Variants in IQSEC3 observed in about 807,000 individuals in gnomAD.
IQSEC3 encodes the protein IQ motif and SEC7 domain-containing protein 3.
IQSEC3 carries 50 observed loss-of-function variants against 105.4 expected under a neutral mutation model. The ratio of observed to expected loss-of-function variants is 0.47; its 90% CI spans 0.38 to 0.60. IQSEC3 has a LOEUF of 0.60. Among genes scored for constraint, IQSEC3 ranks in the 20% least tolerant of loss-of-function variants. The probability of loss-of-function intolerance (pLI) is 0.00; values close to 1 mark genes in which losing one functional copy is unlikely to be tolerated. For missense variants in IQSEC3, 1,415 were observed against 1,630.0 expected, an observed-to-expected ratio of 0.87 and a Z score of 2.27; for synonymous variants, 708 against 746.0, an observed-to-expected ratio of 0.95 and a Z score of 0.83.
chr12:92,114 C>G (rs1319698083), intron 1 of IQSEC3, among the ~76,000 whole-genome samples: 1 of 152,158 alleles, frequency 6.6e-6, no homozygotes, highest in Non-Finnish European at 1.5e-5. Flanking sequence ...GTCCAGCTGC[C>G]CCATCAGAAC....
chr12:104,198 A>G (rs1362905194), intron 2 of IQSEC3, among the ~76,000 whole-genome samples: 2 of 152,146 alleles, frequency 1.3e-5, no homozygotes, highest in Non-Finnish European at 2.9e-5. Context: ...GGAATCCAGG[A>G]TGGAGAGAAG....
chr12:176,957 T>TG lies in IQSEC3; in HGVS notation c.*1928dup, dbSNP rs1259243256. The TG allele has an allele frequency of 6.6e-6, 1 of 152,078 alleles. No individual in the cohort carries two copies. The highest frequency in any genetic ancestry group is 2.4e-5 in the African/African-American group (1 of 41,320). The allele number at this position is 152,078 out of a possible 1,614,324, so 9.4% of individuals were successfully genotyped here. ...AGGGACTTGGGAGGAGGTGGAGCTG[T>TG]GGGGATGGGAGTGGAGGAATCAAAA... On this transcript the variant is annotated 3_prime_UTR_variant, in exon 14 of 14. Coordinates refer to ENST00000538872, the MANE Select transcript of IQSEC3 (RefSeq NM_001170738.2). The surrounding 1 kb of genome is among the most constrained non-coding windows in gnomAD (Gnocchi z 4.0).
chr12:141,273 G>T lies in IQSEC3; in HGVS notation c.2141G>T (p.Arg714Leu). 1.2e-6 allele frequency: 2 copies of T among 1,613,942 alleles called. No homozygotes were observed. Among genetic ancestry groups the T allele is most frequent in the Non-Finnish European group, 1.7e-6 (2 of 1,179,956 alleles). ...FLGNSKKQFN[R>L]DVLDCVVDEM... ...GGCAACAGCAAGAAGCAGTTCAACC[G>T]CGACGTGCTGGAGTGAGTACCCCAC... is the stretch of plus-strand genomic sequence containing the variant. The change falls in exon 5 of 14, where the codon CGC becomes CTC. Residue 714 changes from arginine (R) to leucine (L), a missense_variant. Coordinates refer to ENST00000538872, the MANE Select transcript of IQSEC3 (RefSeq NM_001170738.2).
At chr12:87,083 A>G (rs1555072252) in intron 1 of IQSEC3, among the ~76,000 whole-genome samples, 1 of 152,082 alleles carries the variant, frequency 6.6e-6, no homozygotes, top group Non-Finnish European at 1.5e-5. Context: ...TCAAAACTCA[A>G]AATAACAAAA....
chr12:163,221 G>A (rs1202159472), intron 8 of IQSEC3, among the ~76,000 whole-genome samples: 1 of 45,350 alleles, frequency 2.2e-5, no homozygotes. Context: ...CCCCTCCACA[G>A]AACCGGACCC....
At chr12:86,584 T>C (rs980334231) in intron 1 of IQSEC3, among the ~76,000 whole-genome samples, 4 of 152,102 alleles carry the variant, frequency 2.6e-5, no homozygotes, top group Non-Finnish European at 4.4e-5. Flanking sequence ...AAACTGAGGC[T>C]CAGTCAGGCA....
chr12:67,316 A>G lies in IQSEC3; in HGVS notation c.434A>G (p.Gln145Arg). ...PQSPHKHLGT[Q>R]GAVTDKEKER... Reference sequence around the variant, plus strand: ...TCGCCCCACAAGCATCTGGGGACACAAGGGGCCGTGACTGACAAGGAGAAG... The same window carrying G: ...TCGCCCCACAAGCATCTGGGGACACGAGGGGCCGTGACTGACAAGGAGAAG... The change falls in exon 1 of 14, where the codon CAA (glutamine) becomes CGA (arginine). Residue 145 changes from glutamine to arginine, a missense_variant. This residue lies in a region of IQSEC3 where 26 missense variants were observed against 108.1 expected (regional missense o/e 0.24). Transcript: ENST00000538872. The G allele has an allele frequency of 1.3e-6, 2 of 1,598,446 alleles. No individual in the cohort carries two copies. Among genetic ancestry groups the G allele is most frequent in the Non-Finnish European group, 1.7e-6 (2 of 1,179,580 alleles).
chr12:157,457 C>A (rs958862348), intron 6 of IQSEC3, 71 bp from the exon 7 acceptor site: 23 of 1,423,520 alleles, frequency 1.6e-5, no homozygotes, highest in Admixed American at 4.1e-5. Context: ...CTGGACACCC[C>A]CTTCCTTTGT....
chr12:154,454 C>T (rs1395078283), intron 5 of IQSEC3, among the ~76,000 whole-genome samples: 2 of 152,066 alleles, frequency 1.3e-5, no homozygotes, highest in African/African-American at 4.8e-5. Context: ...TGTGGGAAGC[C>T]GGGTGCCAGG....
chr12:144,611 C>CGGCT (rs1431457902), intron 5 of IQSEC3: 1 of 152,208 alleles, frequency 6.6e-6, no homozygotes, highest in African/African-American at 2.4e-5. Context: ...GCTGCCACCT[C>CGGCT]GGCTGCTGGT....
In IQSEC3 at chr12:163,483, C is replaced by T. The variant is rs1177237688; in HGVS notation, c.2584-11C>T. The T allele has an allele frequency of 1.3e-6, 2 of 1,596,126 alleles. No individual in the cohort carries two copies. The highest frequency in any genetic ancestry group is 1.7e-6 in the Non-Finnish European group (2 of 1,169,770). ...CTGGTCTCTCCCGCTGAGCGCCCTG[C>T]CCGCGTGCAGGTGCTGTCCGTGCCC... On this transcript the variant is annotated splice_polypyrimidine_tract_variant and intron_variant, in intron 8 of 13. Coordinates refer to ENST00000538872, the MANE Select transcript of IQSEC3 (RefSeq NM_001170738.2).
intron 4 of IQSEC3, chr12:140,794 C>G: frequency 3.7e-6 from 1 of 271,220 alleles, no homozygotes; most frequent in South Asian, 1.5e-4. Context: ...GGGGCGTCTG[C>G]GGTGGGGACC....
chr12:161,559 T>TG (rs1177440556), intron 7 of IQSEC3, among the ~76,000 whole-genome samples: 8 of 151,638 alleles, frequency 5.3e-5, no homozygotes, highest in Admixed American at 2.0e-4. Context: ...GGGGTGGAGC[T>TG]GGGGGGTGAG....
At chr12:99,839 C>T (rs1236434751) in intron 2 of IQSEC3, among the ~76,000 whole-genome samples, 9 of 152,134 alleles carry the variant, frequency 5.9e-5, no homozygotes, top group Non-Finnish European at 1.2e-4. Context: ...GTTCCGTCTC[C>T]GTCCCGTGAT....
At chr12:116,220 G>A (rs573191236) in intron 2 of IQSEC3, among the ~76,000 whole-genome samples, 4 of 152,236 alleles carry the variant, frequency 2.6e-5, no homozygotes, top group Admixed American at 6.5e-5. Context: ...AGGCCACAAC[G>A]CAGGTAGCTG....
chr12:168,694 T>TA (rs1172557409), intron 11 of IQSEC3, among the ~76,000 whole-genome samples: 3 of 152,062 alleles, frequency 2.0e-5, no homozygotes, highest in African/African-American at 7.2e-5. Flanking sequence ...GTAACTTGCC[T>TA]AAAACCACAC....
chr12:111,019 G>T (rs1429874913), intron 2 of IQSEC3, among the ~76,000 whole-genome samples: 3 of 152,036 alleles, frequency 2.0e-5, no homozygotes, highest in Non-Finnish European at 4.4e-5. Context: ...CTCTTCCTCC[G>T]ACCTTCTTGC....
rs1190309248 is a variant in IQSEC3, at chr12:111,449, T to C, written c.623+12235T>C. On this transcript the variant is annotated intron_variant, in intron 2 of 13. Coordinates refer to ENST00000538872, the MANE Select transcript of IQSEC3 (RefSeq NM_001170738.2). ...GTCAGAAGGGTTCTCTTTAGTTCCC[T>C]CTTTCCTCTGTTCTCTAGGCCTAGA... 2.6e-5 allele frequency among the ~76,000 whole-genome samples: 4 copies of C among 152,170 alleles called. No homozygotes were observed. In the East Asian group the frequency reaches 7.7e-4, roughly 29 times the overall value.
rs1555094527 is a variant in IQSEC3, at chr12:157,072, C to T, written c.2201C>T (p.Ala734Val). The T allele has an allele frequency of 1.2e-6, 2 of 1,606,974 alleles. No homozygotes were observed. The highest frequency in any genetic ancestry group is 1.7e-5 in the Admixed American group (1 of 59,176). Residue 734 changes from alanine to valine, a missense_variant, in exon 6 of 14, where the codon GCC becomes GTC. Coordinates refer to ENST00000538872, the MANE Select transcript of IQSEC3 (RefSeq NM_001170738.2). ...MDFSSMELDE[A>V]LRKFQAHIRV... ...TTCTCCAGCATGGAGCTGGACGAGG[C>T]CCTGCGCAAGTTCCAGGCACACATC...
Sources: allele counts gnomAD v4.1 joint callset (sites outside exome capture counted in the v4.1 genomes callset), GRCh38; gene constraint gnomAD v4.1.1; regional missense constraint gnomAD v4.1.1; non-coding constraint Gnocchi (gnomAD v3.1); transcripts MANE v1.5; gene names NCBI Gene and HGNC (gene_info 2026-07-23, HGNC 2026-07-21).